The following SDK2 variants were observed in gnomAD, a reference collection of about 807,000 sequenced individuals.
SDK2 encodes the protein sidekick cell adhesion molecule 2, also known as protein sidekick-2.
SDK2 carries 105 observed loss-of-function variants against 253.9 expected under a neutral mutation model. The ratio of observed to expected loss-of-function variants is 0.41; its 90% CI spans 0.35 to 0.49. The LOEUF (loss-of-function observed/expected upper bound fraction) is 0.49, where lower values mean the gene tolerates loss of function less well. Ranked by LOEUF, SDK2 falls within the 20% of genes least tolerant of loss-of-function variation. SDK2 has a pLI of 0.06. For synonymous variants in SDK2, 1,249 were observed against 1,234.9 expected (o/e 1.01, Z -0.24); for missense variants, 2,608 against 3,003.0 (o/e 0.87, Z 3.07).
chr17:73,496,473 T>C lies in SDK2; in HGVS notation c.224+10965A>G, dbSNP rs1329620143. ...AGAGGTGGGCATGGGCACGAGGGCA[T>C]GAAAGAGCAGAGACCACGGGTGCAC... On this transcript the variant is annotated intron_variant, in intron 2 of 44. Coordinates refer to ENST00000392650, the MANE Select transcript of SDK2 (RefSeq NM_001144952.2). This position sits in a 1 kb window ranked among gnomAD's most constrained non-coding sequence, Gnocchi z 4.7. Among the ~76,000 whole-genome samples, 3 of 152,014 alleles carry C rather than the reference T, an allele frequency of 2.0e-5. No homozygotes were observed. The highest frequency in any genetic ancestry group is 7.3e-5 in the African/African-American group (3 of 41,354).
At chr17:73,527,489 G>A (rs533461304) in intron 1 of SDK2, among the ~76,000 whole-genome samples, 6 of 152,200 alleles carry the variant, frequency 3.9e-5, no homozygotes, top group Non-Finnish European at 8.8e-5. Flanking sequence ...CTCAGAACTG[G>A]AGGGGGACTC....
In SDK2 at chr17:73,485,248, C is replaced by T. The variant is rs770995427; in HGVS notation, c.225-13030G>A. Among the ~76,000 whole-genome samples the T allele has an allele frequency of 5.3e-5, 8 of 152,052 alleles. 1 individual carries two copies. The highest frequency in any genetic ancestry group is 6.5e-5 in the Admixed American group (1 of 15,272). On this transcript the variant is annotated intron_variant, in intron 2 of 44. Transcript: ENST00000392650. Reference sequence around the variant, plus strand: ...CACCTCCCTCCTGAGGGCAGGAAGGCTCAGGTAAGTGCAGGTGCTGATGGA... The same window carrying T: ...CACCTCCCTCCTGAGGGCAGGAAGGTTCAGGTAAGTGCAGGTGCTGATGGA...
intron 1 of SDK2, among the ~76,000 whole-genome samples, chr17:73,522,583 G>A (rs1242902946): frequency 6.6e-6 from 1 of 152,242 alleles, no homozygotes; most frequent in African/African-American, 2.4e-5. Flanking sequence ...AACATCTGCA[G>A]GAGAAGGTGA....
intron 3 of SDK2, among the ~76,000 whole-genome samples, chr17:73,464,129 A>C (rs995774339): frequency 2.0e-5 from 3 of 152,156 alleles, no homozygotes; most frequent in Non-Finnish European, 4.4e-5. Flanking sequence ...TCTGCCCTCG[A>C]CCACCCATGA....
At position 73,430,579 on chromosome 17, in the gene SDK2, C is replaced by G. The variant is rs1163669036; in HGVS notation, c.1515G>C (p.Gln505His). 6.3e-7 allele frequency: 1 copy of G among 1,590,164 alleles called. No homozygotes were observed. The highest frequency in any genetic ancestry group is 1.1e-5 in the South Asian group (1 of 88,680). ...RTRITKPPQD[Q>H]SVIKGTQASM... is the part of the protein sequence containing the mutation. ...AGGCCTGGGTGCCCTTGATGACACT[C>G]TGATCCTGGGGGGGCTTGGTGATGC... The change falls in exon 12 of 45, where the codon CAG (glutamine) becomes CAC (histidine). Residue 505 changes from glutamine (Q) to histidine (H), a missense_variant. Physicochemically the swap from Gln to His is conservative, Grantham distance 24. Coordinates refer to ENST00000392650, the MANE Select transcript of SDK2 (RefSeq NM_001144952.2).
chr17:73,436,759 G>A (rs924159465), intron 8 of SDK2, among the ~76,000 whole-genome samples: 12 of 151,606 alleles, frequency 7.9e-5, no homozygotes, highest in Admixed American at 5.9e-4. Context: ...CTTTCCCATG[G>A]TCACGTCTCC....
chr17:73,576,573 G>A (rs1458848558), intron 1 of SDK2, among the ~76,000 whole-genome samples: 1 of 152,214 alleles, frequency 6.6e-6, no homozygotes, highest in Non-Finnish European at 1.5e-5. Context: ...GGCACAGCTG[G>A]CTAGAACAAA....
intron 2 of SDK2, among the ~76,000 whole-genome samples, chr17:73,499,415 G>A (rs547408694): frequency 6.6e-6 from 1 of 152,224 alleles, no homozygotes; most frequent in South Asian, 2.1e-4. Flanking sequence ...GACCCAGCCT[G>A]GGGCCGGCCA....
At chr17:73,429,069 G>C (rs1303247185) in intron 12 of SDK2, among the ~76,000 whole-genome samples, 1 of 152,122 alleles carries the variant, frequency 6.6e-6, no homozygotes, top group African/African-American at 2.4e-5. Context: ...TACAATGTAT[G>C]TCTTTCTCAA....
intron 1 of SDK2, among the ~76,000 whole-genome samples, chr17:73,528,370 G>A (rs1209585433): frequency 6.6e-6 from 1 of 152,196 alleles, no homozygotes; most frequent in Non-Finnish European, 1.5e-5. Flanking sequence ...CACGTATGAA[G>A]AGCTTGCAAT....
chr17:73,346,011 A>G (rs1441927834), intron 44 of SDK2, among the ~76,000 whole-genome samples: 4 of 152,168 alleles, frequency 2.6e-5, no homozygotes, highest in Non-Finnish European at 5.9e-5. Flanking sequence ...GTTCTAGACC[A>G]GCCTGACCAA....
At chr17:73,624,378 A>G (rs1331742461) in intron 1 of SDK2, among the ~76,000 whole-genome samples, 1 of 152,194 alleles carries the variant, frequency 6.6e-6, no homozygotes, top group African/African-American at 2.4e-5. Context: ...CTATAGTCCC[A>G]GCTACTTGGA....
chr17:73,502,616 T>C (rs554905820), intron 2 of SDK2, among the ~76,000 whole-genome samples: 87 of 152,344 alleles, frequency 5.7e-4, no homozygotes, highest in African/African-American at 2.1e-3. Context: ...GAGTTTATAC[T>C]GATGCTAAAT....
intron 12 of SDK2, among the ~76,000 whole-genome samples, chr17:73,425,091 G>A (rs557609187): frequency 5.3e-4 from 80 of 152,264 alleles, no homozygotes; most frequent in African/African-American, 1.9e-3. Flanking sequence ...GTGGTGGCCA[G>A]TGCCTGTAAT....
At chr17:73,403,042 G>A (rs1378226296) in intron 18 of SDK2, among the ~76,000 whole-genome samples, 5 of 151,308 alleles carry the variant, frequency 3.3e-5, no homozygotes, top group African/African-American at 7.3e-5. Flanking sequence ...CAAGTGATCC[G>A]CCCGCCTCGG....
intron 6 of SDK2, among the ~76,000 whole-genome samples, chr17:73,439,955 A>G (rs565266631): frequency 2.4e-4 from 37 of 152,282 alleles, no homozygotes; most frequent in African/African-American, 8.7e-4. Context: ...GGTGCTTAGC[A>G]GGATGCAGGG....
At chr17:73,557,306 A>ATT (rs11288025) in intron 1 of SDK2, among the ~76,000 whole-genome samples, 2 of 146,412 alleles carry the variant, frequency 1.4e-5, no homozygotes, top group African/African-American at 2.5e-5. Context: ...GTACCTCGAG[A>ATT]TTTTTTTTTT....
chr17:73,592,984 A>G (rs907169234), intron 1 of SDK2, among the ~76,000 whole-genome samples: 2 of 125,682 alleles, frequency 1.6e-5, no homozygotes, highest in African/African-American at 6.1e-5. Context: ...ATCACCCCAG[A>G]GTGGTGTGGG....
intron 40 of SDK2, among the ~76,000 whole-genome samples, chr17:73,353,090 C>CA (rs11370779): frequency 0.89 from 133,347 of 149,574 alleles, 60,928 homozygotes; most frequent in South Asian, 0.99. Context: ...GACTCAGTCT[C>CA]AAAAAAAAAA....
Sources: gnomAD v4.1 joint callset for allele counts (sites outside exome capture counted in the v4.1 genomes callset) on GRCh38, gnomAD v4.1.1 for gene constraint, Gnocchi (gnomAD v3.1) non-coding constraint, MANE v1.5 for transcripts, NCBI Gene and HGNC (gene_info 2026-07-23, HGNC 2026-07-21) for gene names.